CLTB: variants seen among roughly 807,000 people sequenced by gnomAD.
The protein encoded by CLTB is clathrin, light chain (Lcb).
A neutral mutation model predicts 30.5 loss-of-function variants in CLTB; 10 were observed. That is an observed-to-expected ratio of 0.33 (90% CI 0.20 to 0.56). CLTB has a LOEUF of 0.56. Ranked by LOEUF, CLTB falls within the 20% of genes least tolerant of loss-of-function variation. The pLI, the probability that CLTB is intolerant of heterozygous loss-of-function variation, is 0.91. For missense variants in CLTB, 261 were observed against 308.3 expected, an observed-to-expected ratio of 0.85 and a Z score of 1.15; for synonymous variants, 102 against 120.3, an observed-to-expected ratio of 0.85 and a Z score of 1.00.
chr5:176,393,030 C>G lies in CLTB; in HGVS notation c.519-85G>C. 6.9e-7 allele frequency: 1 copy of G among 1,447,328 alleles called. No individual in the cohort carries two copies. The allele number at this position is 1,447,328 out of a possible 1,614,324, so 89.7% of individuals were successfully genotyped here. A position where few individuals can be genotyped will look rare whatever the true frequency, so the allele number is the denominator to read the frequency against. On this transcript the variant is annotated intron_variant, in intron 5 of 5. Transcript: ENST00000310418. The surrounding 1 kb of genome is among the most constrained non-coding windows in gnomAD (Gnocchi z 4.4). ...GAGCAAGGCTGCTTTGCCCAGCCTA[C>G]TCTGGGGCACTGTGTCCTCCCCAGC... is the stretch of plus-strand genomic sequence containing the variant.
intron 2 of CLTB, among the ~76,000 whole-genome samples, chr5:176,407,762 T>C (rs941026105): frequency 6.6e-6 from 1 of 152,228 alleles, no homozygotes; most frequent in Admixed American, 6.5e-5. Flanking sequence ...CAAATCCTCA[T>C]TCTTTGACTC....
intron 2 of CLTB, among the ~76,000 whole-genome samples, chr5:176,404,536 C>T (rs1178166900): frequency 1.3e-5 from 2 of 152,234 alleles, no homozygotes; most frequent in Non-Finnish European, 2.9e-5. Flanking sequence ...CTTCTGACTC[C>T]ATCTAAACCT....
rs550893770 is a variant in CLTB at position 176,408,554 on chromosome 5, A to C, written c.234+1703T>G. On this transcript the variant is annotated intron_variant, in intron 2 of 5. Coordinates refer to ENST00000310418, the MANE Select transcript of CLTB (RefSeq NM_007097.5). ...TCCATCTCAGGAAAAAAAAAAAAAA[A>C]AGACTCACCCAGGCTAAGTGTAGTA... 2.9e-4 allele frequency among the ~76,000 whole-genome samples: 44 copies of C among 152,006 alleles called. No individual in the cohort carries two copies. The East Asian group carries it at 8.5e-3, about 29-fold the overall frequency.
At chr5:176,404,811 C>T (rs375808832) in intron 2 of CLTB, among the ~76,000 whole-genome samples, 1 of 152,208 alleles carries the variant, frequency 6.6e-6, no homozygotes, top group Non-Finnish European at 1.5e-5. Context: ...CCCTCTGTGG[C>T]TTTGCACATG....
At chr5:176,416,105 TGCCCCTGG>T in intron 1 of CLTB, 64 bp downstream of exon 1, 1 of 1,369,874 alleles carries the variant, frequency 7.3e-7, no homozygotes, top group Non-Finnish European at 9.5e-7. Flanking sequence ...CTCTTCCCTG[TGCCCCTGG>T]GCCCCGGCCG....
chr5:176,410,405 T>C (rs2113679214), intron 1 of CLTB, 102 bp from the exon 2 acceptor site: 1 of 861,480 alleles, frequency 1.2e-6, no homozygotes, highest in Non-Finnish European at 1.9e-6. Context: ...TGTATACCCA[T>C]GTATATATCG....
Position 176,392,670 on chromosome 5 carries a change from G to GGCTGTGGGTAGCAGCT in CLTB, c.*88_*103dup, listed in dbSNP as rs1277551164. On this transcript the variant is annotated 3_prime_UTR_variant, in exon 6 of 6. Coordinates refer to ENST00000310418, the MANE Select transcript of CLTB (RefSeq NM_007097.5). The surrounding 1 kb of genome is among the most constrained non-coding windows in gnomAD (Gnocchi z 5.2). ...CCTGGAGATGGGGAGGAGTGGAATA[G>GGCTGTGGGTAGCAGCT]GCTGTGGGTAGCAGCTGCTGCGAGT... 3 of 1,344,914 alleles carry GGCTGTGGGTAGCAGCT rather than the reference G, an allele frequency of 2.2e-6. No homozygotes were observed. Among genetic ancestry groups the GGCTGTGGGTAGCAGCT allele is most frequent in the Non-Finnish European group, 3.1e-6 (3 of 966,318 alleles). 83.3% of individuals were successfully genotyped at this position (1,344,914 alleles called of 1,614,324 possible). A position where few individuals can be genotyped will look rare whatever the true frequency, so the allele number is the denominator to read the frequency against.
intron 5 of CLTB, among the ~76,000 whole-genome samples, chr5:176,395,418 CAA>C (rs1350919474): frequency 2.0e-5 from 3 of 152,242 alleles, no homozygotes; most frequent in African/African-American, 7.2e-5. Context: ...AGGCGAGTGC[CAA>C]AGAGTACTAA....
In CLTB at chr5:176,401,778, G is replaced by A. The variant is rs561180425; in HGVS notation, c.235-3731C>T. The A allele has an allele frequency of 1.2e-4, 55 of 456,058 alleles. No individual in the cohort carries two copies. In the Middle Eastern group the frequency reaches 1.3e-3, roughly 11 times the overall value. 28.3% of individuals were successfully genotyped at this position (456,058 alleles called of 1,614,324 possible). The stretch of plus-strand genomic sequence containing the variant: ...AAACAGCGACACTGAACAATTTCCC[G>A]AGGGTGCTGAGGCCCCAGCCTCCTG... On this transcript the variant is annotated intron_variant, in intron 2 of 5. Coordinates refer to ENST00000310418, the MANE Select transcript of CLTB (RefSeq NM_007097.5).
At position 176,392,749 on chromosome 5, in the gene CLTB, C is replaced by CTG. The variant is rs770867733; in HGVS notation, c.*23_*24dup. 9 of 1,612,242 alleles carry CTG rather than the reference C, an allele frequency of 5.6e-6. No homozygotes were observed. In the South Asian group the frequency reaches 9.9e-5, roughly 18 times the overall value. On this transcript the variant is annotated 3_prime_UTR_variant, in exon 6 of 6. Transcript: ENST00000310418. The surrounding 1 kb of genome is among the most constrained non-coding windows in gnomAD (Gnocchi z 5.2). ...CCTGTGCCCAGGCCCAGCCCATGCT[C>CTG]TGTGGCCATGCACCTAGCAGGCACC... is the stretch of plus-strand genomic sequence containing the variant.
intron 1 of CLTB, among the ~76,000 whole-genome samples, chr5:176,412,563 T>C (rs1757498729): frequency 6.6e-6 from 1 of 152,168 alleles, no homozygotes; most frequent in South Asian, 2.1e-4. Flanking sequence ...ATGAGGTTAA[T>C]AGGCAGATGG....
intron 1 of CLTB, among the ~76,000 whole-genome samples, chr5:176,414,610 T>C (rs538548104): frequency 6.6e-6 from 1 of 152,062 alleles, no homozygotes; most frequent in Non-Finnish European, 1.5e-5. Flanking sequence ...GCCTGGCTAA[T>C]TTTTGTATGT....
At chr5:176,397,577 G>T in intron 4 of CLTB, 30 bp downstream of exon 4, 1 of 1,091,438 alleles carries the variant, frequency 9.2e-7, no homozygotes. Flanking sequence ...ATGTCCCCAT[G>T]GCCCCCTCAT....
At chr5:176,411,385 T>C (rs532342540) in intron 1 of CLTB, among the ~76,000 whole-genome samples, 8 of 152,294 alleles carry the variant, frequency 5.3e-5, no homozygotes, top group African/African-American at 9.6e-5. Context: ...CAGTGGCCTA[T>C]AGCGCCTACT....
At chr5:176,396,398 C>A in intron 5 of CLTB, 81 bp downstream of exon 5, 1 of 1,260,452 alleles carries the variant, frequency 7.9e-7, no homozygotes, top group South Asian at 1.2e-5. Flanking sequence ...TCATTTATAT[C>A]CCACAAGCAG....
At chr5:176,399,601 A>G (rs1158380224) in intron 2 of CLTB, among the ~76,000 whole-genome samples, 1 of 152,032 alleles carries the variant, frequency 6.6e-6, no homozygotes, top group Non-Finnish European at 1.5e-5. Flanking sequence ...TTTTTTAATT[A>G]TGGAAAAAAA....
intron 2 of CLTB, 92 bp downstream of exon 2, chr5:176,410,165 A>G: frequency 1.8e-6 from 2 of 1,119,530 alleles, no homozygotes; most frequent in South Asian, 1.3e-5. Flanking sequence ...GAACAGGAGA[A>G]CCTGGAGCTG....
intron 2 of CLTB, chr5:176,405,503 A>AAAAAAAG (rs1757061533): frequency 6.9e-6 from 1 of 143,918 alleles, no homozygotes; most frequent in African/African-American, 2.5e-5. Flanking sequence ...AAAAAAAAAA[A>AAAAAAAG]AAAAAGAAAA....
chr5:176,402,331 C>G (rs974330689), intron 2 of CLTB, among the ~76,000 whole-genome samples: 6 of 152,130 alleles, frequency 3.9e-5, no homozygotes, highest in African/African-American at 1.2e-4. Flanking sequence ...AATAAAACAT[C>G]TGAAGGCTCC....
Sources: gnomAD v4.1 joint callset for allele counts (sites outside exome capture counted in the v4.1 genomes callset) on GRCh38, gnomAD v4.1.1 for gene constraint, Gnocchi (gnomAD v3.1) non-coding constraint, MANE v1.5 for transcripts, NCBI Gene and HGNC (gene_info 2026-07-23, HGNC 2026-07-21) for gene names.